Variants in TMEM132B observed in about 807,000 individuals in gnomAD.
TMEM132B encodes the protein transmembrane protein 132B.
TMEM132B carries 18 observed loss-of-function variants against 90.8 expected under a neutral mutation model. That is an observed-to-expected ratio of 0.20 (90% CI 0.14 to 0.29). The LOEUF is 0.29. Among genes scored for constraint, TMEM132B ranks in the 10% least tolerant of loss-of-function variants. TMEM132B has a pLI of 1.00. For synonymous variants in TMEM132B, 504 were observed against 523.3 expected, an observed-to-expected ratio of 0.96 and a Z score of 0.50; for missense variants, 1,096 against 1,326.8, an observed-to-expected ratio of 0.83 and a Z score of 2.70.
intron 3 of TMEM132B, among the ~76,000 whole-genome samples, chr12:125,488,923 A>G (rs1303155982): frequency 2.0e-5 from 3 of 152,242 alleles, no homozygotes; most frequent in Non-Finnish European, 4.4e-5. Flanking sequence ...GACAAAACTC[A>G]ACATTCGTAG....
At chr12:125,359,367 C>T (rs1270326089) in intron 2 of TMEM132B, among the ~76,000 whole-genome samples, 1 of 152,166 alleles carries the variant, frequency 6.6e-6, no homozygotes, top group Non-Finnish European at 1.5e-5. Context: ...TATACTTTAG[C>T]ACTGTTAAAT....
rs898338970 is a variant in TMEM132B, at chr12:125,489,404, T to A, written c.1107-30035T>A. ...TTTACTTATTTATTTTAGTTTTTTTTAAAAATTTACTTATTTATTTAGAGA... is the reference window on the plus strand; with the variant it reads ...TTTACTTATTTATTTTAGTTTTTTTAAAAAATTTACTTATTTATTTAGAGA... On this transcript the variant is annotated intron_variant, in intron 3 of 8. Transcript: ENST00000682704. 2.1e-4 allele frequency among the ~76,000 whole-genome samples: 32 copies of A among 152,070 alleles called. 1 individual carries two copies. The highest frequency in any genetic ancestry group is 7.8e-4 in the Admixed American group (12 of 15,288).
At chr12:125,524,847 A>G (rs1212652540) in intron 4 of TMEM132B, among the ~76,000 whole-genome samples, 1 of 152,156 alleles carries the variant, frequency 6.6e-6, no homozygotes, top group Non-Finnish European at 1.5e-5. Flanking sequence ...TGGGCACAAT[A>G]TGGGTGAAGA....
At chr12:125,204,807 T>C (rs1474714121) in intron 1 of TMEM132B, among the ~76,000 whole-genome samples, 5 of 38,288 alleles carry the variant, frequency 1.3e-4, no homozygotes, top group African/African-American at 3.3e-4. Flanking sequence ...TTATGTGGAG[T>C]ATCTCATGAA....
At chr12:125,348,432 C>T (rs548343043) in intron 1 of TMEM132B, among the ~76,000 whole-genome samples, 1 of 152,172 alleles carries the variant, frequency 6.6e-6, no homozygotes, top group Non-Finnish European at 1.5e-5. Flanking sequence ...GTTCAAGATC[C>T]TCCTGCCTCA....
At chr12:125,325,669 CTGTGTGTGTGTGTGTGTGTG>C (rs59220510) in intron 1 of TMEM132B, among the ~76,000 whole-genome samples, 15 of 124,396 alleles carry the variant, frequency 1.2e-4, no homozygotes, top group Admixed American at 1.5e-4. Context: ...GCCTCCCACC[CTGTGTGTGTGTGTGTGTGTG>C]TGTGTGTGTG....
chr12:125,583,702 G>T, intron 4 of TMEM132B, 149 bp from the exon 5 acceptor site: 1 of 942,418 alleles, frequency 1.1e-6, no homozygotes, highest in Non-Finnish European at 1.6e-6. Context: ...CTTCCATTTT[G>T]TGTGAGCTTT....
In TMEM132B at chr12:125,349,523, T is replaced by G. The variant is rs1877482833; in HGVS notation, c.139T>G (p.Leu47Val). 6.2e-7 allele frequency: 1 copy of G among 1,614,072 alleles called. No homozygotes were observed. The highest frequency in any genetic ancestry group is 1.7e-5 in the Admixed American group (1 of 60,002). The change falls in exon 2 of 9, where the codon TTG (leucine) becomes GTG (valine). Residue 47 changes from leucine (L) to valine (V), a missense_variant. Transcript: ENST00000682704. This position sits in a 1 kb window ranked among gnomAD's most constrained non-coding sequence, Gnocchi z 4.1. ...GCTCCCTGCTTACCTCCCCACGAACTTGCACATCTCCAATGCAGAGGAGTC... is the reference window on the plus strand; with the variant it reads ...GCTCCCTGCTTACCTCCCCACGAACGTGCACATCTCCAATGCAGAGGAGTC... The part of the protein sequence containing the change: ...SSLPAYLPTN[L>V]HISNAEESFF...
At chr12:125,526,093 T>C (rs1592974573) in intron 4 of TMEM132B, among the ~76,000 whole-genome samples, 1 of 152,132 alleles carries the variant, frequency 6.6e-6, no homozygotes, top group Non-Finnish European at 1.5e-5. Context: ...AGAGACAGGG[T>C]GGGAGGCTGT....
intron 6 of TMEM132B, among the ~76,000 whole-genome samples, chr12:125,648,063 C>T (rs1346363507): frequency 2.5e-5 from 3 of 121,890 alleles, no homozygotes; most frequent in East Asian, 2.8e-4. Context: ...CTCCCCCCAC[C>T]CCATCACAGT....
At chr12:125,633,202 C>G (rs1886406611) in intron 5 of TMEM132B, among the ~76,000 whole-genome samples, 1 of 152,176 alleles carries the variant, frequency 6.6e-6, no homozygotes. Context: ...TTCAATTCTG[C>G]TAGTAAGTGA....
chr12:125,402,088 G>A (rs2136322153), intron 2 of TMEM132B, among the ~76,000 whole-genome samples: 1 of 152,284 alleles, frequency 6.6e-6, no homozygotes, highest in Admixed American at 6.5e-5. Context: ...GTTTCCCCAA[G>A]AGCTTCACGA....
At chr12:125,653,189 G>A (rs1489424526) in intron 8 of TMEM132B, among the ~76,000 whole-genome samples, 5 of 152,208 alleles carry the variant, frequency 3.3e-5, no homozygotes, top group Non-Finnish European at 7.3e-5. Flanking sequence ...GCTTCTTAAT[G>A]AAGAGTGTTC....
At chr12:125,555,587 A>G (rs1012533764) in intron 4 of TMEM132B, among the ~76,000 whole-genome samples, 5 of 130,326 alleles carry the variant, frequency 3.8e-5, no homozygotes, top group East Asian at 5.0e-4. Context: ...GGGGGGAGGG[A>G]TAGCATTAGG....
chr12:125,409,011 A>G (rs539920142), intron 2 of TMEM132B, among the ~76,000 whole-genome samples: 1 of 152,334 alleles, frequency 6.6e-6, no homozygotes, highest in Admixed American at 6.5e-5. Flanking sequence ...ATAATAATTG[A>G]AAAGTCAAGA....
In TMEM132B at chr12:125,406,684, G is replaced by A. The variant is rs1879494124; in HGVS notation, c.960-8847G>A. Among the ~76,000 whole-genome samples the A allele has an allele frequency of 6.6e-6, 1 of 152,126 alleles. No individual in the cohort carries two copies. The highest frequency in any genetic ancestry group is 1.5e-5 in the Non-Finnish European group (1 of 68,028). On this transcript the variant is annotated intron_variant, in intron 2 of 8. Transcript: ENST00000682704. This position sits in a 1 kb window ranked among gnomAD's most constrained non-coding sequence, Gnocchi z 8.3. Reference sequence around the variant, plus strand: ...CTTCCTTCTCCAACCCCCGCCCATGGCAGACAGTGAAAGACTTGACCCACC... The same window carrying A: ...CTTCCTTCTCCAACCCCCGCCCATGACAGACAGTGAAAGACTTGACCCACC...
At chr12:125,516,074 C>T (rs1883149532) in intron 3 of TMEM132B, among the ~76,000 whole-genome samples, 1 of 151,914 alleles carries the variant, frequency 6.6e-6, no homozygotes. Context: ...CTCACACACA[C>T]TCTCACGCTA....
rs984874332 is a variant in TMEM132B at position 125,492,332 on chromosome 12, C to A, written c.1107-27107C>A. Reference sequence around the variant, plus strand: ...TCCTTAGCGGGCTCTCGCGTGTCCTCCAAACACTGCTGCATGCCATGACAC... The same window carrying A: ...TCCTTAGCGGGCTCTCGCGTGTCCTACAAACACTGCTGCATGCCATGACAC... On this transcript the variant is annotated intron_variant, in intron 3 of 8. Transcript: ENST00000682704. This position sits in a 1 kb window ranked among gnomAD's most constrained non-coding sequence, Gnocchi z 5.8. 4.6e-5 allele frequency among the ~76,000 whole-genome samples: 7 copies of A among 152,240 alleles called. No homozygotes were observed. The highest frequency in any genetic ancestry group is 1.7e-4 in the African/African-American group (7 of 41,472).
At chr12:125,471,333 A>G (rs1242317529) in intron 3 of TMEM132B, among the ~76,000 whole-genome samples, 1 of 152,190 alleles carries the variant, frequency 6.6e-6, no homozygotes, top group African/African-American at 2.4e-5. Context: ...AAATGAAACT[A>G]TGAACACAGA....
Sources: allele counts gnomAD v4.1 joint callset (sites outside exome capture counted in the v4.1 genomes callset), GRCh38; gene constraint gnomAD v4.1.1; non-coding constraint Gnocchi (gnomAD v3.1); transcripts MANE v1.5; gene names NCBI Gene and HGNC (gene_info 2026-07-23, HGNC 2026-07-21).